ABCC12: variants seen among roughly 807,000 people sequenced by gnomAD.
The protein encoded by ABCC12 is ATP-binding cassette sub-family C member 12.
Under a neutral mutation model 151.1 loss-of-function variants are expected in ABCC12, and 142 were observed. The ratio of observed to expected loss-of-function variants is 0.94; its 90% CI spans 0.82 to 1.08. The LOEUF (loss-of-function observed/expected upper bound fraction) is 1.08. Among genes scored for constraint, ABCC12 ranks in the 50% least tolerant of loss-of-function variants. The pLI, the probability that ABCC12 is intolerant of heterozygous loss-of-function variation, is 0.00. For synonymous variants in ABCC12, 645 were observed against 646.4 expected (o/e 1.00, Z 0.03); for missense variants, 1,638 against 1,691.1 (o/e 0.97, Z 0.55).
rs969906573 is a variant in ABCC12, at chr16:48,125,484, A to G, written c.1516-1200T>C. On this transcript the variant is annotated intron_variant, in intron 11 of 30. Coordinates refer to ENST00000311303, the MANE Select transcript of ABCC12 (RefSeq NM_001393797.1). ...AGAGGTCCAGGGCACATGGGCAGGGACAACATCTGCCACAGGTGACATTTG... is the reference window on the plus strand; with the variant it reads ...AGAGGTCCAGGGCACATGGGCAGGGGCAACATCTGCCACAGGTGACATTTG... Among the ~76,000 whole-genome samples the G allele has an allele frequency of 4.6e-5, 7 of 152,332 alleles. No individual in the cohort carries two copies. In the East Asian group the frequency reaches 1.2e-3, roughly 25 times the overall value.
chr16:48,145,549 T>C (rs1964968979), intron 3 of ABCC12, among the ~76,000 whole-genome samples: 1 of 152,202 alleles, frequency 6.6e-6, no homozygotes, highest in Non-Finnish European at 1.5e-5. Context: ...GAATATAAGC[T>C]GGCTTGTGAT....
rs1281391498 is a variant in ABCC12 at position 48,143,950 on chromosome 16, G to T, written c.235C>A (p.Pro79Thr). The change falls in exon 4 of 31, where the codon CCA becomes ACA. Residue 79 changes from proline to threonine, a missense_variant. Coordinates refer to ENST00000311303, the MANE Select transcript of ABCC12 (RefSeq NM_001393797.1). ...RQRLTVDTLPPLSTYDSSDTN... is the reference protein window; with the variant it reads ...RQRLTVDTLPTLSTYDSSDTN... ...TCAGATGAGTCATATGTCGACAATG[G>T]GGGCAGGGTGTCTACGGTCAGCCTT... 2 of 1,614,072 alleles carry T rather than the reference G, an allele frequency of 1.2e-6. No individual in the cohort carries two copies. The highest frequency in any genetic ancestry group is 1.3e-5 in the African/African-American group (1 of 74,926).
At chr16:48,120,951 C>T (rs114034593) in intron 13 of ABCC12, among the ~76,000 whole-genome samples, 2 of 152,186 alleles carry the variant, frequency 1.3e-5, no homozygotes, top group African/African-American at 2.4e-5. Context: ...TCGCAATTTT[C>T]GTGTTGAAAA....
rs371047286 is a variant in ABCC12 at position 48,104,264 on chromosome 16, G to C, written c.2778C>G (p.His926Gln). The change falls in exon 22 of 31, where the codon CAC becomes CAG. Residue 926 changes from histidine to glutamine, a missense_variant. His to Gln is a conservative substitution (Grantham distance 24). Coordinates refer to ENST00000311303, the MANE Select transcript of ABCC12 (RefSeq NM_001393797.1). ...AAAACTGCTGCAGAAAGTTCTCTGC[G>C]TGAAACGGCAGCCTCACATCCAGCT... ...MDELDVRLPF[H>Q]AENFLQQFFM... 1.2e-6 allele frequency: 2 copies of C among 1,614,240 alleles called. No individual in the cohort carries two copies. Among genetic ancestry groups the C allele is most frequent in the African/African-American group, 1.3e-5 (1 of 75,066 alleles).
intron 18 of ABCC12, among the ~76,000 whole-genome samples, chr16:48,108,838 G>A (rs995216767): frequency 3.3e-5 from 5 of 152,216 alleles, no homozygotes; most frequent in Admixed American, 2.6e-4. Flanking sequence ...CACCCAAGAA[G>A]AGACTATGAA....
chr16:48,100,484 G>A (rs992737462), intron 23 of ABCC12, among the ~76,000 whole-genome samples: 4 of 151,916 alleles, frequency 2.6e-5, no homozygotes, highest in African/African-American at 7.3e-5. Context: ...AAAAGAAGAC[G>A]CCATGAATAG....
intron 5 of ABCC12, 88 bp downstream of exon 5, chr16:48,141,118 A>G (rs1964794552): frequency 6.5e-7 from 1 of 1,548,552 alleles, no homozygotes; most frequent in Non-Finnish European, 8.7e-7. Flanking sequence ...AATGCACTAA[A>G]CCCACCAGCT....
rs57068404 is a variant in ABCC12 at position 48,104,408 on chromosome 16, G to A, written c.2674-40C>T. 483 of 1,579,410 alleles carry A rather than the reference G, an allele frequency of 3.1e-4. 2 individuals are homozygous for A. In the African/African-American group the frequency reaches 5.3e-3, roughly 17 times the overall value. On this transcript the variant is annotated intron_variant, in intron 21 of 30. Coordinates refer to ENST00000311303, the MANE Select transcript of ABCC12 (RefSeq NM_001393797.1). ...AGAGAGTCAAACAGAGTCGAGATGC[G>A]TGCTTAGTAAACCCTGCTGCTCTGC...
Position 48,140,911 on chromosome 16 carries a change from T to G in ABCC12, c.433A>C (p.Ile145Leu). The G allele has an allele frequency of 6.2e-7, 1 of 1,613,798 alleles. No homozygotes were observed. The highest frequency in any genetic ancestry group is 8.5e-7 in the Non-Finnish European group (1 of 1,179,916). ...TCAGTCTGCTGGAGGATTTGGTGAA[T>G]GAGAACTGTCTGTAAAACAGCATGG... ...IMAAIGPTVL[I>L]HQILQQTERT... The change falls in exon 6 of 31, where the codon ATT becomes CTT. Residue 145 changes from isoleucine (I) to leucine (L), a missense_variant. Physicochemically the swap from Ile to Leu is conservative, Grantham distance 5. Transcript: ENST00000311303.
At chr16:48,097,558 G>C (rs1195697161) in intron 23 of ABCC12, among the ~76,000 whole-genome samples, 2 of 152,220 alleles carry the variant, frequency 1.3e-5, no homozygotes, top group Non-Finnish European at 2.9e-5. Context: ...GAAGCACAGA[G>C]CGGAGTGACA....
chr16:48,149,886 G>A (rs1346864003), intron 2 of ABCC12, among the ~76,000 whole-genome samples: 1 of 152,146 alleles, frequency 6.6e-6, no homozygotes, highest in Admixed American at 6.5e-5. Context: ...CACAATAACA[G>A]CCATTTCTCA....
At chr16:48,092,775 G>C (rs1417906565) in intron 24 of ABCC12, among the ~76,000 whole-genome samples, 1 of 152,198 alleles carries the variant, frequency 6.6e-6, no homozygotes, top group Non-Finnish European at 1.5e-5. Context: ...AGGGGCCGGG[G>C]CTGGAGAGTT....
rs1962608870 is a variant in ABCC12 at position 48,086,500 on chromosome 16, T to TTGTAGTAA, written c.3714+233_3714+240dup. On this transcript the variant is annotated intron_variant, in intron 28 of 30. Transcript: ENST00000311303. Reference sequence around the variant, plus strand: ...GGGTAAGAGTACCAACCTCAGAGCATTGTAGTAAGGACCAAGTGAGATGAT... The same window carrying TTGTAGTAA: ...GGGTAAGAGTACCAACCTCAGAGCATTGTAGTAATGTAGTAAGGACCAAGTGAGATGAT... The TTGTAGTAA allele has an allele frequency of 6.2e-5, 28 of 451,182 alleles. No homozygotes were observed. The East Asian group carries it at 1.0e-3, about 17-fold the overall frequency. The allele number at this position is 451,182 out of a possible 1,614,324, so 27.9% of individuals were successfully genotyped here. A position where few individuals can be genotyped will look rare whatever the true frequency, so the allele number is the denominator to read the frequency against.
At chr16:48,154,664 T>C (rs145838077) in intron 1 of ABCC12, among the ~76,000 whole-genome samples, 1 of 152,346 alleles carries the variant, frequency 6.6e-6, no homozygotes, top group African/African-American at 2.4e-5. Context: ...CTAGAAGTCA[T>C]CTCAAGAAGA....
At chr16:48,113,065 C>T (rs73540871) in intron 15 of ABCC12, among the ~76,000 whole-genome samples, 3 of 152,122 alleles carry the variant, frequency 2.0e-5, no homozygotes, top group Non-Finnish European at 4.4e-5. Context: ...ATGGTTTGAC[C>T]GAAAGAAGCC....
intron 13 of ABCC12, 104 bp downstream of exon 13, chr16:48,121,612 T>G: frequency 7.0e-7 from 1 of 1,421,322 alleles, no homozygotes. Flanking sequence ...TCAGAATTCA[T>G]TAAACTCAGA....
At position 48,141,313 on chromosome 16, in the gene ABCC12, G is replaced by T. The variant is rs1964805487; in HGVS notation, c.316C>A (p.Pro106Thr). ...ACGTGGCTCAGAGAGGCCTTCTCAG[G>T]ACCCACCCTTGCTACCTCTTCATCC... Reference protein sequence around the residue: ...LWDEEVARVGPEKASLSHVVW... With the variant: ...LWDEEVARVGTEKASLSHVVW... The change falls in exon 5 of 31, where the codon CCT becomes ACT. Residue 106 changes from proline to threonine, a missense_variant. Pro to Thr is a conservative substitution (Grantham distance 38). Transcript: ENST00000311303. 3 of 1,614,086 alleles carry T rather than the reference G, an allele frequency of 1.9e-6. No homozygotes were observed. Among genetic ancestry groups the T allele is most frequent in the Non-Finnish European group, 2.5e-6 (3 of 1,180,048 alleles).
At chr16:48,142,289 G>A (rs866940025) in intron 4 of ABCC12, among the ~76,000 whole-genome samples, 1 of 152,210 alleles carries the variant, frequency 6.6e-6, no homozygotes, top group Non-Finnish European at 1.5e-5. Flanking sequence ...CAGTTTCAGA[G>A]TCTGGAAGTG....
At position 48,130,863 on chromosome 16, in the gene ABCC12, C is replaced by T. The variant is rs756674305; in HGVS notation, c.1161G>A (p.Met387Ile). 3 of 1,613,536 alleles carry T rather than the reference C, an allele frequency of 1.9e-6. No individual in the cohort carries two copies. Among genetic ancestry groups the T allele is most frequent in the South Asian group, 2.2e-5 (2 of 91,070 alleles). ...AGGGCAAGATTGCAATGGAAAACTT[C>T]ATTACATTAAACATGGCAATCACAC... ...AFSVIAMFNV[M>I]KFSIAILPFS... Residue 387 changes from methionine (M) to isoleucine (I), a missense_variant, in exon 10 of 31, where the codon ATG (methionine) becomes ATA (isoleucine). Met to Ile is a conservative substitution (Grantham distance 10). Transcript: ENST00000311303.
Sources: gnomAD v4.1 joint callset for allele counts (sites outside exome capture counted in the v4.1 genomes callset) on GRCh38, gnomAD v4.1.1 for gene constraint, MANE v1.5 for transcripts, NCBI Gene and HGNC (gene_info 2026-07-23, HGNC 2026-07-21) for gene names.